Variants in CELF2 observed in about 807,000 individuals in gnomAD.
The protein encoded by CELF2 is CUG triplet repeat RNA-binding protein 2.
CELF2 carries 8 observed loss-of-function variants against 62.6 expected under a neutral mutation model. The ratio of observed to expected loss-of-function variants is 0.13; its 90% CI spans 0.07 to 0.23. The LOEUF is 0.23. Among genes scored for constraint, CELF2 ranks in the 10% least tolerant of loss-of-function variants. CELF2 has a pLI of 1.00. For synonymous variants in CELF2, 258 were observed against 250.0 expected, an observed-to-expected ratio of 1.03 and a Z score of -0.30; for missense variants, 333 against 671.0, an observed-to-expected ratio of 0.50 and a Z score of 5.56.
At chr10:10,626,072 G>A in the CELF2 span, among the ~76,000 whole-genome samples, 1 of 152,008 alleles carries the variant, frequency 6.6e-6, no homozygotes, top group African/African-American at 2.4e-5. Context: ...ATATGTTTTG[G>A]GATTTGCTCC....
chr10:10,873,337 G>A (rs750779921), intron 1 of CELF2, among the ~76,000 whole-genome samples: 1 of 152,088 alleles, frequency 6.6e-6, no homozygotes, highest in Non-Finnish European at 1.5e-5. Flanking sequence ...GTGGAATTTA[G>A]GATGTTGAAC....
chr10:11,047,776 A>G (rs2063127726), intron 1 of CELF2, among the ~76,000 whole-genome samples: 2 of 152,178 alleles, frequency 1.3e-5, no homozygotes, highest in East Asian at 3.9e-4. Context: ...TTCAGGCTAA[A>G]TTTTTCTGGG....
At chr10:10,493,980 G>T in the CELF2 span, among the ~76,000 whole-genome samples, 1 of 152,174 alleles carries the variant, frequency 6.6e-6, no homozygotes, top group Non-Finnish European at 1.5e-5. Flanking sequence ...AAGATGTGCT[G>T]TCTCCCCGGT....
chr10:10,536,240 G>GA, the CELF2 span, among the ~76,000 whole-genome samples: 1 of 151,984 alleles, frequency 6.6e-6, no homozygotes, highest in Admixed American at 6.5e-5. Context: ...GGATGGTCTC[G>GA]ATCTCCTGAC....
the CELF2 span, among the ~76,000 whole-genome samples, chr10:10,528,160 T>C: frequency 5.9e-3 from 883 of 149,898 alleles, 6 homozygotes; most frequent in Middle Eastern, 0.01. Flanking sequence ...ATTCCTGTTT[T>C]GTGTGTGTGT....
At chr10:11,256,828 C>T (rs2078922373) in intron 4 of CELF2, among the ~76,000 whole-genome samples, 1 of 152,024 alleles carries the variant, frequency 6.6e-6, no homozygotes, top group Non-Finnish European at 1.5e-5. Context: ...TACAACGTGT[C>T]TTATCTTCCC....
chr10:10,598,724 ATTTTCT>A, the CELF2 span, among the ~76,000 whole-genome samples: 671 of 76,322 alleles, frequency 8.8e-3, 11 homozygotes, highest in African/African-American at 0.028. Context: ...TCAAGGGCTG[ATTTTCT>A]TTTTCTTTTT....
chr10:11,187,372 T>TA, intron 2 of CELF2, among the ~76,000 whole-genome samples: 1 of 152,306 alleles, frequency 6.6e-6, no homozygotes, highest in East Asian at 1.9e-4. Context: ...TGTTAAATAA[T>TA]ATATATTTTT....
intron 2 of CELF2, among the ~76,000 whole-genome samples, chr10:10,984,967 T>G (rs2052563603): frequency 6.6e-6 from 1 of 152,120 alleles, no homozygotes; most frequent in Non-Finnish European, 1.5e-5. Context: ...GTGAATGTGG[T>G]CAATGGAGTC....
chr10:11,180,735 G>T, intron 2 of CELF2, among the ~76,000 whole-genome samples: 1 of 152,290 alleles, frequency 6.6e-6, no homozygotes, highest in East Asian at 1.9e-4. Flanking sequence ...ACATTATCTT[G>T]TTAAAATGTG....
At chr10:10,677,009 T>A in the CELF2 span, among the ~76,000 whole-genome samples, 1 of 152,216 alleles carries the variant, frequency 6.6e-6, no homozygotes, top group South Asian at 2.1e-4. Context: ...TTATTAACAA[T>A]GTAAAGTCTT....
chr10:11,316,855 T>C lies in CELF2; in HGVS notation c.1096+2597T>C, dbSNP rs1270568648. 6.6e-6 allele frequency: 1 copy of C among 152,202 alleles called. No homozygotes were observed. The highest frequency in any genetic ancestry group is 1.9e-4 in the East Asian group (1 of 5,198). The allele number at this position is 152,202 out of a possible 1,614,324, so 9.4% of individuals were successfully genotyped here. ...CTGTTTGAGTTTGATATCCTTTTTATTCCCTGATACATTAATGAGTCAAAG... is the reference window on the plus strand; with the variant it reads ...CTGTTTGAGTTTGATATCCTTTTTACTCCCTGATACATTAATGAGTCAAAG... On this transcript the variant is annotated intron_variant, in intron 10 of 12. Transcript: ENST00000633077. This position sits in a 1 kb window ranked among gnomAD's most constrained non-coding sequence, Gnocchi z 4.4.
the CELF2 span, among the ~76,000 whole-genome samples, chr10:10,705,014 C>G: frequency 1.3e-5 from 2 of 151,718 alleles, no homozygotes; most frequent in African/African-American, 4.8e-5. Context: ...CATGGCGAGA[C>G]CTGGTCTGTG....
chr10:11,041,126 G>A (rs1357572429), intron 1 of CELF2, among the ~76,000 whole-genome samples: 4 of 152,178 alleles, frequency 2.6e-5, no homozygotes, highest in Non-Finnish European at 4.4e-5. Flanking sequence ...CCCTCACATG[G>A]TTCAAAAAAG....
chr10:10,491,123 G>C, the CELF2 span, among the ~76,000 whole-genome samples: 1 of 152,138 alleles, frequency 6.6e-6, no homozygotes, highest in Non-Finnish European at 1.5e-5. Flanking sequence ...AACCAGCTTA[G>C]CTCCCTCAAG....
At chr10:10,532,766 C>G in the CELF2 span, among the ~76,000 whole-genome samples, 5 of 151,784 alleles carry the variant, frequency 3.3e-5, no homozygotes, top group East Asian at 9.6e-4. Context: ...AATTTATTCA[C>G]TAGAGACCAG....
intron 1 of CELF2, among the ~76,000 whole-genome samples, chr10:11,070,517 G>C (rs747898107): frequency 6.6e-6 from 1 of 152,198 alleles, no homozygotes; most frequent in East Asian, 1.9e-4. Context: ...ATACAGGACT[G>C]GGCCTGGTGA....
chr10:10,802,615 T>G (rs561759281), intron 1 of CELF2, among the ~76,000 whole-genome samples: 10 of 152,308 alleles, frequency 6.6e-5, no homozygotes, highest in African/African-American at 2.4e-4. Flanking sequence ...TGGTGTCTCC[T>G]TTACCCATGC....
chr10:10,852,390 A>G (rs1440469732), intron 1 of CELF2, among the ~76,000 whole-genome samples: 1 of 152,246 alleles, frequency 6.6e-6, no homozygotes. Context: ...TGTTGAAATG[A>G]CAAAATTATT....
Sources: allele counts gnomAD v4.1 joint callset (sites outside exome capture counted in the v4.1 genomes callset), GRCh38; gene constraint gnomAD v4.1.1; non-coding constraint Gnocchi (gnomAD v3.1); transcripts MANE v1.5; gene names NCBI Gene and HGNC (gene_info 2026-07-23, HGNC 2026-07-21).